KCNC2: variants seen among roughly 807,000 people sequenced by gnomAD.
KCNC2 encodes the protein voltage-gated potassium channel KCNC2.
A neutral mutation model predicts 44.5 loss-of-function variants in KCNC2; 21 were observed. The observed-to-expected ratio is 0.47, with a 90% confidence interval of 0.33 to 0.68. The LOEUF (loss-of-function observed/expected upper bound fraction) is 0.68. Ranked by LOEUF, KCNC2 falls within the 30% of genes least tolerant of loss-of-function variation. KCNC2 has a pLI of 0.01. For synonymous variants in KCNC2, 391 were observed against 339.1 expected, an observed-to-expected ratio of 1.15 and a Z score of -1.68; for missense variants, 589 against 826.2, an observed-to-expected ratio of 0.71 and a Z score of 3.52.
chr12:75,202,634 T>C (rs2031376939), intron 2 of KCNC2, among the ~76,000 whole-genome samples: 1 of 151,790 alleles, frequency 6.6e-6, no homozygotes, highest in South Asian at 2.1e-4. Context: ...ACAGTCTTCA[T>C]TATATTGTAA....
chr12:75,094,013 C>G (rs931777172), intron 2 of KCNC2, among the ~76,000 whole-genome samples: 1 of 151,608 alleles, frequency 6.6e-6, no homozygotes, highest in Non-Finnish European at 1.5e-5. Context: ...AATCCCTTTT[C>G]TTTTTAAATT....
chr12:75,091,061 G>A (rs757283410), intron 2 of KCNC2, among the ~76,000 whole-genome samples: 5 of 151,562 alleles, frequency 3.3e-5, no homozygotes, highest in Admixed American at 6.6e-5. Flanking sequence ...GTTTTAATAT[G>A]ATTTCTGATT....
chr12:75,119,738 G>C (rs1024176908), intron 2 of KCNC2, among the ~76,000 whole-genome samples: 1 of 152,132 alleles, frequency 6.6e-6, no homozygotes, highest in Non-Finnish European at 1.5e-5. Flanking sequence ...GTATCTGAAA[G>C]TTTTCAGTTT....
intron 2 of KCNC2, among the ~76,000 whole-genome samples, chr12:75,069,139 T>TTTTTTTTTTTA: frequency 8.4e-6 from 1 of 119,730 alleles, no homozygotes; most frequent in African/African-American, 3.0e-5. Context: ...CTTTTTTTTT[T>TTTTTTTTTTTA]TTTTTTTTTT....
chr12:75,152,871 A>T (rs1228014478), intron 2 of KCNC2, among the ~76,000 whole-genome samples: 1 of 151,956 alleles, frequency 6.6e-6, no homozygotes, highest in African/African-American at 2.4e-5. Flanking sequence ...TGCAAAGGTA[A>T]TCACTAGAAA....
At chr12:75,043,839 A>T in intron 4 of KCNC2, 1 of 1,252,312 alleles carries the variant, frequency 8.0e-7, no homozygotes, top group Non-Finnish European at 1.1e-6. Context: ...TAAAGGAAAA[A>T]AAAAGAAAAT....
chr12:75,056,974 G>A (rs1003050913), intron 2 of KCNC2, among the ~76,000 whole-genome samples: 1 of 151,968 alleles, frequency 6.6e-6, no homozygotes, highest in African/African-American at 2.4e-5. Context: ...CTGGGTGTAA[G>A]AGTGGCATTA....
At chr12:75,156,706 T>C (rs369872983) in intron 2 of KCNC2, among the ~76,000 whole-genome samples, 10 of 151,828 alleles carry the variant, frequency 6.6e-5, no homozygotes, top group East Asian at 3.9e-4. Flanking sequence ...ACACAATAAA[T>C]ACTCTAATAT....
chr12:75,185,076 A>G (rs947137219), intron 2 of KCNC2, among the ~76,000 whole-genome samples: 2 of 152,228 alleles, frequency 1.3e-5, no homozygotes, highest in African/African-American at 4.8e-5. Context: ...TATACCTGAA[A>G]TGATTTCAGA....
At position 75,207,716 on chromosome 12, in the gene KCNC2, C is replaced by T. The variant is rs749149848; in HGVS notation, c.268G>A (p.Gly90Ser). ...CCACCGGGATGGTCGCTGGCCCTGC[C>T]GCCGCGGGAACTGCAGTTGCCCGCG... ...GGAGNCSSRG[G>S]RASDHPGGGR... The change falls in exon 2 of 5, where the codon GGC becomes AGC. Residue 90 changes from glycine (G) to serine (S), a missense_variant. This residue lies in a region of KCNC2 where 148 missense variants were observed against 140.1 expected (regional missense o/e 1.06). Transcript: ENST00000549446. This position sits in a 1 kb window ranked among gnomAD's most constrained non-coding sequence, Gnocchi z 4.1. 8.2e-6 allele frequency: 13 copies of T among 1,578,016 alleles called. No individual in the cohort carries two copies. In the Admixed American group the frequency reaches 9.1e-5, roughly 11 times the overall value.
chr12:75,068,743 G>C, intron 2 of KCNC2, among the ~76,000 whole-genome samples: 1 of 152,116 alleles, frequency 6.6e-6, no homozygotes, highest in East Asian at 1.9e-4. Context: ...CTTTGGGTTT[G>C]GAAAATGGGA....
chr12:75,068,304 G>A (rs1285241703), intron 2 of KCNC2, among the ~76,000 whole-genome samples: 1 of 152,160 alleles, frequency 6.6e-6, no homozygotes, highest in Non-Finnish European at 1.5e-5. Flanking sequence ...CTATGTTTTT[G>A]TATACGTTTT....
Position 75,041,867 on chromosome 12 carries a change from G to C in KCNC2, c.*1238C>G. Reference sequence around the variant, plus strand: ...AAATAGCAAAAAATGGTATGGAGTCGGGTTTGGAGGGAGTAAATATTAAAA... The same window carrying C: ...AAATAGCAAAAAATGGTATGGAGTCCGGTTTGGAGGGAGTAAATATTAAAA... On this transcript the variant is annotated 3_prime_UTR_variant, in exon 5 of 5. Coordinates refer to ENST00000549446, the MANE Select transcript of KCNC2 (RefSeq NM_139137.4). 1 of 989,360 alleles carries C rather than the reference G, an allele frequency of 1.0e-6. No homozygotes were observed. Among genetic ancestry groups the C allele is most frequent in the Non-Finnish European group, 1.2e-6 (1 of 832,710 alleles). 61.3% of individuals were successfully genotyped at this position (989,360 alleles called of 1,614,324 possible).
intron 2 of KCNC2, among the ~76,000 whole-genome samples, chr12:75,159,197 A>C (rs1304057959): frequency 6.6e-6 from 1 of 151,738 alleles, no homozygotes; most frequent in Admixed American, 6.6e-5. Flanking sequence ...GCAGCAAACC[A>C]CCACGGCACA....
At chr12:75,101,009 G>T (rs970734454) in intron 2 of KCNC2, among the ~76,000 whole-genome samples, 27 of 151,968 alleles carry the variant, frequency 1.8e-4, no homozygotes, top group African/African-American at 6.3e-4. Context: ...TGTTACAAGG[G>T]TATTGATAAA....
chr12:75,161,856 A>G (rs1268385711), intron 2 of KCNC2, among the ~76,000 whole-genome samples: 1 of 151,812 alleles, frequency 6.6e-6, no homozygotes, highest in Non-Finnish European at 1.5e-5. Flanking sequence ...ACAAAAAGCA[A>G]CAGCAATTAA....
intron 2 of KCNC2, among the ~76,000 whole-genome samples, chr12:75,154,424 G>A (rs891354729): frequency 1.3e-5 from 2 of 151,956 alleles, no homozygotes; most frequent in Non-Finnish European, 2.9e-5. Flanking sequence ...ACCTGTCCTC[G>A]AAGTTGTCTA....
At chr12:75,173,237 G>C (rs1341978211) in intron 2 of KCNC2, among the ~76,000 whole-genome samples, 2 of 151,864 alleles carry the variant, frequency 1.3e-5, no homozygotes, top group African/African-American at 2.4e-5. Context: ...GATTGTATTA[G>C]ATTAGTTAAA....
At position 75,042,482 on chromosome 12, in the gene KCNC2, A is replaced by G. The variant is rs901277881; in HGVS notation, c.*623T>C. 7.6e-6 allele frequency: 11 copies of G among 1,456,478 alleles called. No homozygotes were observed. In the African/African-American group the frequency reaches 1.0e-4, roughly 13 times the overall value. 90.2% of individuals were successfully genotyped at this position (1,456,478 alleles called of 1,614,324 possible). ...TTAAAACATATATTTCTTTCAAATA[A>G]TAAGAAAAAAATGTCAAGGAGAAAA... On this transcript the variant is annotated 3_prime_UTR_variant, in exon 5 of 5. Coordinates refer to ENST00000549446, the MANE Select transcript of KCNC2 (RefSeq NM_139137.4).
Sources: gnomAD v4.1 joint callset for allele counts (sites outside exome capture counted in the v4.1 genomes callset) on GRCh38, gnomAD v4.1.1 for gene constraint, gnomAD v4.1.1 regional missense constraint, Gnocchi (gnomAD v3.1) non-coding constraint, MANE v1.5 for transcripts, NCBI Gene and HGNC (gene_info 2026-07-23, HGNC 2026-07-21) for gene names.